The following USP32 variants were observed in gnomAD, a reference collection of about 807,000 sequenced individuals.
USP32 encodes the protein ubiquitin specific peptidase 32.
A neutral mutation model predicts 204.8 loss-of-function variants in USP32; 59 were observed. That is an observed-to-expected ratio of 0.29 (90% CI 0.23 to 0.36). USP32 has a LOEUF of 0.36. USP32 is among the 10% of genes least tolerant of loss of function. The probability of loss-of-function intolerance (pLI) is 1.00; values close to 1 mark genes in which losing one functional copy is unlikely to be tolerated. For synonymous variants in USP32, 517 were observed against 678.4 expected (o/e 0.76, Z 3.70); for missense variants, 1,160 against 1,946.4 (o/e 0.60, Z 7.60).
Position 60,183,580 on chromosome 17 carries a change from T to G in USP32, c.3835-127A>C, listed in dbSNP as rs568352266. The G allele has an allele frequency of 6.7e-6, 9 of 1,335,810 alleles. No homozygotes were observed. The East Asian group carries it at 1.9e-4, about 28-fold the overall frequency. The allele number at this position is 1,335,810 out of a possible 1,614,324, so 82.7% of individuals were successfully genotyped here. ...ATAACAGAACATTTACTCTTCATTA[T>G]TTTTTAAAGACTTCAAAAATATGGT... On this transcript the variant is annotated intron_variant, in intron 30 of 33. Coordinates refer to ENST00000300896, the MANE Select transcript of USP32 (RefSeq NM_032582.4).
At chr17:60,384,504 G>A (rs574283265) in intron 1 of USP32, among the ~76,000 whole-genome samples, 50 of 152,250 alleles carry the variant, frequency 3.3e-4, no homozygotes, top group African/African-American at 1.2e-3. Flanking sequence ...GATGAGCGCC[G>A]CCCTAGGCCA....
chr17:60,321,130 G>A (rs572558228), intron 2 of USP32, among the ~76,000 whole-genome samples: 2 of 152,272 alleles, frequency 1.3e-5, no homozygotes, highest in Non-Finnish European at 2.9e-5. Flanking sequence ...AGAGGAAGAA[G>A]CTCAGGAAAG....
intron 1 of USP32, 108 bp from the exon 2 acceptor site, chr17:60,345,716 TC>T: frequency 7.0e-7 from 1 of 1,421,408 alleles, no homozygotes; most frequent in Non-Finnish European, 9.8e-7. Context: ...GCACAGTGGC[TC>T]ACGCCTATAA....
chr17:60,216,345 A>T (rs1281712324), intron 16 of USP32, among the ~76,000 whole-genome samples: 3 of 151,370 alleles, frequency 2.0e-5, no homozygotes, highest in Non-Finnish European at 4.4e-5. Context: ...CCAAAAATCT[A>T]GACAAAACTG....
intron 11 of USP32, among the ~76,000 whole-genome samples, chr17:60,246,387 GTA>G (rs1211610715): frequency 2.0e-5 from 3 of 151,042 alleles, no homozygotes; most frequent in Non-Finnish European, 4.4e-5. Context: ...ATTTTATTGT[GTA>G]TGTGTGTGTG....
intron 1 of USP32, among the ~76,000 whole-genome samples, chr17:60,355,845 A>G (rs375326495): frequency 3.5e-4 from 50 of 141,006 alleles, no homozygotes; most frequent in East Asian, 2.7e-3. Flanking sequence ...AAAAAAAAAA[A>G]AGAGAGAGAA....
chr17:60,227,609 C>T (rs1428253898), intron 12 of USP32, among the ~76,000 whole-genome samples: 10 of 150,266 alleles, frequency 6.7e-5, no homozygotes, highest in Non-Finnish European at 5.9e-5. Context: ...GACAGGGTCT[C>T]GCTATGTTGG....
intron 2 of USP32, among the ~76,000 whole-genome samples, chr17:60,343,819 G>A (rs886575007): frequency 3.3e-5 from 5 of 152,184 alleles, no homozygotes. Flanking sequence ...GTCACCTGCG[G>A]TCAGGAGTTC....
At chr17:60,394,646 A>G (rs2089887471), upstream of USP32, among the ~76,000 whole-genome samples, 1 of 152,204 alleles carries the variant, frequency 6.6e-6, no homozygotes, top group African/African-American at 2.4e-5. Context: ...ACAAACCTAA[A>G]TGGTATATCC....
intron 16 of USP32, among the ~76,000 whole-genome samples, chr17:60,217,476 G>T (rs35843842): frequency 6.6e-6 from 1 of 152,086 alleles, no homozygotes; most frequent in Admixed American, 6.6e-5. Context: ...TGTATTTTTA[G>T]TAAAGATGGG....
chr17:60,214,832 C>G (rs2085061819), intron 16 of USP32, 58 bp from the exon 17 acceptor site: 2 of 1,612,704 alleles, frequency 1.2e-6, no homozygotes, highest in African/African-American at 1.3e-5. Flanking sequence ...AAGCACCCCT[C>G]TCAGCAATGG....
At chr17:60,296,953 A>G (rs895531150) in intron 3 of USP32, among the ~76,000 whole-genome samples, 2 of 152,200 alleles carry the variant, frequency 1.3e-5, no homozygotes, top group Admixed American at 6.5e-5. Context: ...CATTATATCC[A>G]ATCCCTTTTG....
intron 11 of USP32, among the ~76,000 whole-genome samples, chr17:60,242,556 G>A (rs1280660832): frequency 2.0e-5 from 3 of 152,062 alleles, no homozygotes; most frequent in African/African-American, 7.2e-5. Context: ...GACTACAGTC[G>A]TGTGCCACCA....
At chr17:60,377,910 ACATT>A (rs1261525207) in intron 1 of USP32, among the ~76,000 whole-genome samples, 1 of 152,210 alleles carries the variant, frequency 6.6e-6, no homozygotes, top group Non-Finnish European at 1.5e-5. Flanking sequence ...AAAACTACAT[ACATT>A]ATTTCATCAA....
rs79098808 is a variant in USP32, at chr17:60,256,586, T to A, written c.991-1328A>T. 4.1e-4 allele frequency: 284 copies of A among 693,876 alleles called. 1 individual carries two copies. The African/African-American group carries it at 5.1e-3, about 13-fold the overall frequency. The allele number at this position is 693,876 out of a possible 1,614,324, so 43.0% of individuals were successfully genotyped here. On this transcript the variant is annotated intron_variant, in intron 9 of 33. Coordinates refer to ENST00000300896, the MANE Select transcript of USP32 (RefSeq NM_032582.4). The stretch of plus-strand genomic sequence containing the variant: ...CATATTCTTTCCATGTCTGCATGAA[T>A]TTTCTCCAGGTACTCCGGTTTCCTC...
At chr17:60,403,094 C>T (rs2089948876) in intron 1 of USP32, among the ~76,000 whole-genome samples, 1 of 152,020 alleles carries the variant, frequency 6.6e-6, no homozygotes, top group African/African-American at 2.4e-5. Flanking sequence ...TCACTGCAAC[C>T]TCCACCTCCC....
At chr17:60,250,536 C>T (rs761483948) in intron 11 of USP32, among the ~76,000 whole-genome samples, 1 of 152,068 alleles carries the variant, frequency 6.6e-6, no homozygotes, top group Admixed American at 6.5e-5. Context: ...TTCTACATGT[C>T]AATTATTTTA....
At chr17:60,350,036 C>T (rs1290978394) in intron 1 of USP32, among the ~76,000 whole-genome samples, 1 of 150,702 alleles carries the variant, frequency 6.6e-6, no homozygotes, top group African/African-American at 2.4e-5. Context: ...TATTTTGAGA[C>T]GGGATCTCAC....
intron 10 of USP32, 122 bp from the exon 11 acceptor site, chr17:60,252,564 A>G (rs1342453796): frequency 1.2e-5 from 8 of 670,778 alleles, no homozygotes; most frequent in African/African-American, 1.9e-5. Flanking sequence ...TGAATTATCA[A>G]TTATTCACTT....
Sources: allele counts gnomAD v4.1 joint callset (sites outside exome capture counted in the v4.1 genomes callset), GRCh38; gene constraint gnomAD v4.1.1; transcripts MANE v1.5; gene names NCBI Gene and HGNC (gene_info 2026-07-23, HGNC 2026-07-21).